Variants in PLXDC2 observed in about 807,000 individuals in gnomAD.
PLXDC2 encodes plexin domain-containing protein 2.
PLXDC2 carries 40 observed loss-of-function variants against 68.9 expected under a neutral mutation model. That is an observed-to-expected ratio of 0.58 (90% CI 0.45 to 0.76). The LOEUF is 0.76. Among genes scored for constraint, PLXDC2 ranks in the 30% least tolerant of loss-of-function variants. The pLI is 0.00. For missense variants in PLXDC2, 644 were observed against 661.9 expected (o/e 0.97, Z 0.30); for synonymous variants, 243 against 234.2 (o/e 1.04, Z -0.34).
intron 13 of PLXDC2, among the ~76,000 whole-genome samples, chr10:20,263,866 T>C (rs1470853654): frequency 1.3e-5 from 2 of 152,316 alleles, no homozygotes; most frequent in East Asian, 3.9e-4. Context: ...TTTTGCACTG[T>C]TTGTGGGAGT....
At chr10:19,853,581 C>A (rs1228195345) in intron 1 of PLXDC2, among the ~76,000 whole-genome samples, 1 of 148,520 alleles carries the variant, frequency 6.7e-6, no homozygotes, top group Non-Finnish European at 1.5e-5. Context: ...TCTCTTTCCC[C>A]TTCGAGTTTC....
chr10:19,888,717 A>G (rs1837892786), intron 1 of PLXDC2, among the ~76,000 whole-genome samples: 1 of 152,146 alleles, frequency 6.6e-6, no homozygotes, highest in South Asian at 2.1e-4. Flanking sequence ...AAGTTTGTCA[A>G]ATGATGAGGT....
intron 1 of PLXDC2, among the ~76,000 whole-genome samples, chr10:19,935,789 A>G (rs1002061881): frequency 5.3e-5 from 8 of 152,228 alleles, no homozygotes. Context: ...ATTCAAAAGC[A>G]CATTTTAGGA....
intron 1 of PLXDC2, among the ~76,000 whole-genome samples, chr10:19,940,719 G>T (rs745728596): frequency 6.6e-6 from 1 of 152,062 alleles, no homozygotes; most frequent in Admixed American, 6.5e-5. Flanking sequence ...TGGTACTTTT[G>T]ATATTTGAAA....
intron 1 of PLXDC2, among the ~76,000 whole-genome samples, chr10:19,959,840 A>G (rs916422724): frequency 6.6e-6 from 1 of 152,146 alleles, no homozygotes; most frequent in Non-Finnish European, 1.5e-5. Context: ...TCTATGACCT[A>G]TAGAAATACA....
chr10:19,834,625 A>C (rs1202018203), intron 1 of PLXDC2, among the ~76,000 whole-genome samples: 2 of 152,226 alleles, frequency 1.3e-5, no homozygotes, highest in African/African-American at 4.8e-5. Context: ...CTATAAACTA[A>C]ACAAAATTGG....
intron 9 of PLXDC2, among the ~76,000 whole-genome samples, chr10:20,210,113 C>A (rs1175504194): frequency 6.6e-6 from 1 of 152,036 alleles, no homozygotes; most frequent in Non-Finnish European, 1.5e-5. Context: ...ACAGTAGCCC[C>A]CCTTCTCCAA....
At chr10:20,077,356 T>A (rs1836469167) in intron 4 of PLXDC2, among the ~76,000 whole-genome samples, 1 of 152,186 alleles carries the variant, frequency 6.6e-6, no homozygotes, top group Non-Finnish European at 1.5e-5. Context: ...TTTTAATACA[T>A]TACAGAAAAC....
chr10:19,880,622 G>A (rs939166788), intron 1 of PLXDC2, among the ~76,000 whole-genome samples: 12 of 152,152 alleles, frequency 7.9e-5, no homozygotes, highest in Non-Finnish European at 1.6e-4. Context: ...AGTTAGAAAT[G>A]TTGCTGAAGT....
chr10:19,981,485 T>G (rs1308612714), intron 1 of PLXDC2, among the ~76,000 whole-genome samples: 1 of 152,206 alleles, frequency 6.6e-6, no homozygotes. Flanking sequence ...TTGGAGATGA[T>G]GGGTGAATTT....
intron 2 of PLXDC2, among the ~76,000 whole-genome samples, chr10:20,023,043 C>A (rs1432992400): frequency 4.0e-5 from 6 of 149,812 alleles, no homozygotes; most frequent in African/African-American, 1.2e-4. Flanking sequence ...CAAAAAAAGG[C>A]TCTTAATTTT....
intron 13 of PLXDC2, among the ~76,000 whole-genome samples, chr10:20,268,595 G>C (rs973200422): frequency 3.9e-5 from 6 of 152,248 alleles, no homozygotes; most frequent in Non-Finnish European, 7.4e-5. Context: ...CTTTAGGATA[G>C]AAAATAACTC....
chr10:19,826,677 TA>T (rs1247513451), intron 1 of PLXDC2, among the ~76,000 whole-genome samples: 2 of 152,358 alleles, frequency 1.3e-5, no homozygotes, highest in East Asian at 3.9e-4. Context: ...ATATCTTGTA[TA>T]ATGTACAGTT....
intron 4 of PLXDC2, among the ~76,000 whole-genome samples, chr10:20,083,350 G>A (rs1454193404): frequency 6.6e-6 from 1 of 151,888 alleles, no homozygotes; most frequent in South Asian, 2.1e-4. Context: ...GGTGGCATGC[G>A]CCTGTAGTCC....
chr10:20,225,869 T>A (rs982918540), intron 12 of PLXDC2, among the ~76,000 whole-genome samples: 1 of 152,208 alleles, frequency 6.6e-6, no homozygotes, highest in Non-Finnish European at 1.5e-5. Context: ...ATGGTCTGAT[T>A]CAATGCATAA....
Position 20,280,817 on chromosome 10 carries a change from A to G in PLXDC2, c.*998A>G, listed in dbSNP as rs1423487585. 2 of 152,080 alleles carry G rather than the reference A, an allele frequency of 1.3e-5. No individual in the cohort carries two copies. Among genetic ancestry groups the G allele is most frequent in the Non-Finnish European group, 2.9e-5 (2 of 67,992 alleles). 9.4% of individuals were successfully genotyped at this position (152,080 alleles called of 1,614,324 possible). ...ATTTCATTGCTGATTCCTGTCTAAG[A>G]AGCCATTCACGTCAGCATGGCGATA... On this transcript the variant is annotated 3_prime_UTR_variant, in exon 14 of 14. Coordinates refer to ENST00000377252, the MANE Select transcript of PLXDC2 (RefSeq NM_032812.9).
At chr10:20,198,508 A>G (rs939739147) in intron 9 of PLXDC2, among the ~76,000 whole-genome samples, 1 of 152,104 alleles carries the variant, frequency 6.6e-6, no homozygotes, top group Non-Finnish European at 1.5e-5. Flanking sequence ...TACTAATCTC[A>G]CAAGAGAAAT....
chr10:19,941,826 T>C (rs567193539), intron 1 of PLXDC2, among the ~76,000 whole-genome samples: 61 of 152,344 alleles, frequency 4.0e-4, no homozygotes, highest in African/African-American at 1.3e-3. Flanking sequence ...GTTCTCATTA[T>C]GTACTGTGGA....
At chr10:20,135,768 C>A (rs4431920) in intron 4 of PLXDC2, among the ~76,000 whole-genome samples, 149 of 151,946 alleles carry the variant, frequency 9.8e-4, no homozygotes, top group African/African-American at 3.4e-3. Flanking sequence ...GGAATGGTTT[C>A]GTTGTGGTTT....
Sources: allele counts gnomAD v4.1 joint callset (sites outside exome capture counted in the v4.1 genomes callset), GRCh38; gene constraint gnomAD v4.1.1; transcripts MANE v1.5; gene names NCBI Gene and HGNC (gene_info 2026-07-23, HGNC 2026-07-21).